Variants in DAB2IP observed in about 807,000 individuals in gnomAD.
DAB2IP encodes the protein disabled homolog 2-interacting protein.
A neutral mutation model predicts 107.2 loss-of-function variants in DAB2IP; 28 were observed. The observed-to-expected ratio is 0.26, with a 90% CI of 0.19 to 0.36. DAB2IP has a LOEUF of 0.36. DAB2IP is among the 10% of genes least tolerant of loss of function. The probability of loss-of-function intolerance (pLI) is 1.00; values close to 1 mark genes in which losing one functional copy is unlikely to be tolerated. For synonymous variants in DAB2IP, 755 were observed against 706.4 expected (o/e 1.07, Z -1.09); for missense variants, 1,400 against 1,644.7 (o/e 0.85, Z 2.57).
chr9:121,776,520 T>C lies in DAB2IP; in HGVS notation c.3314+129T>C. Reference sequence around the variant, plus strand: ...AATGTGGAGAGAGGAGGGAAGAGAGTGTCTGGGCAGTGGGAGCAGCGTGAG... The same window carrying C: ...AATGTGGAGAGAGGAGGGAAGAGAGCGTCTGGGCAGTGGGAGCAGCGTGAG... On this transcript the variant is annotated intron_variant, in intron 14 of 15. Transcript: ENST00000408936. This position sits in a 1 kb window ranked among gnomAD's most constrained non-coding sequence, Gnocchi z 5.4. 1 of 1,078,064 alleles carries C rather than the reference T, an allele frequency of 9.3e-7. No homozygotes were observed. The highest frequency in any genetic ancestry group is 1.3e-6 in the Non-Finnish European group (1 of 772,380). The allele number at this position is 1,078,064 out of a possible 1,614,324, so 66.8% of individuals were successfully genotyped here. A position where few individuals can be genotyped will look rare whatever the true frequency, so the allele number is the denominator to read the frequency against.
At chr9:121,734,392 A>AAG (rs1831746005) in intron 3 of DAB2IP, among the ~76,000 whole-genome samples, 1 of 140,608 alleles carries the variant, frequency 7.1e-6, no homozygotes, top group African/African-American at 3.2e-5. Flanking sequence ...TCAAAAAAAA[A>AAG]AAAAAAAAAG....
intron 1 of DAB2IP, among the ~76,000 whole-genome samples, chr9:121,592,532 G>T (rs918071570): frequency 6.6e-6 from 1 of 152,194 alleles, no homozygotes; most frequent in African/African-American, 2.4e-5. Context: ...TGGCACATTA[G>T]CTCAGAAAAT....
rs1437176457 is a variant in DAB2IP at position 121,736,134 on chromosome 9, C to T, written c.363-20879C>T. 6.6e-6 allele frequency among the ~76,000 whole-genome samples: 1 copy of T among 152,226 alleles called. No individual in the cohort carries two copies. The highest frequency in any genetic ancestry group is 1.5e-5 in the Non-Finnish European group (1 of 68,050). On this transcript the variant is annotated intron_variant, in intron 3 of 15. Coordinates refer to ENST00000408936, the Ensembl canonical transcript of DAB2IP. This position sits in a 1 kb window ranked among gnomAD's most constrained non-coding sequence, Gnocchi z 4.6. ...GGGTTAGGGGATCATGGTAGACAAA[C>T]CCCTGGCCTTGTCTGGACCTCAGTT...
intron 3 of DAB2IP, among the ~76,000 whole-genome samples, chr9:121,724,698 G>A (rs552545052): frequency 2.5e-4 from 38 of 151,204 alleles, no homozygotes; most frequent in African/African-American, 9.3e-4. Flanking sequence ...TTACAGATGG[G>A]GAAACTAGAC....
intron 3 of DAB2IP, among the ~76,000 whole-genome samples, chr9:121,756,512 G>T (rs934765233): frequency 6.6e-6 from 1 of 152,250 alleles, no homozygotes; most frequent in Admixed American, 6.5e-5. Context: ...GCTTTCCCTC[G>T]TGTGGGTCTG....
chr9:121,579,225 A>T (rs1295932782), intron 1 of DAB2IP, among the ~76,000 whole-genome samples: 1 of 152,132 alleles, frequency 6.6e-6, no homozygotes, highest in Non-Finnish European at 1.5e-5. Context: ...ATGCTTATTT[A>T]AAAAATTCTG....
chr9:121,757,370 A>G (rs1204181591), intron 4 of DAB2IP, among the ~76,000 whole-genome samples: 2 of 152,118 alleles, frequency 1.3e-5, no homozygotes, highest in Non-Finnish European at 1.5e-5. Flanking sequence ...CCTACTCTCT[A>G]GGTTCTCTGG....
In DAB2IP at chr9:121,782,882, G is replaced by C. The variant is rs1466468924; in HGVS notation, c.*384G>C. 2 of 1,045,396 alleles carry C rather than the reference G, an allele frequency of 1.9e-6. No homozygotes were observed. The highest frequency in any genetic ancestry group is 1.2e-6 in the Non-Finnish European group (1 of 868,208). 64.8% of individuals were successfully genotyped at this position (1,045,396 alleles called of 1,614,324 possible). On this transcript the variant is annotated 3_prime_UTR_variant, in exon 16 of 16. Coordinates refer to ENST00000408936, the Ensembl canonical transcript of DAB2IP. The surrounding 1 kb of genome is among the most constrained non-coding windows in gnomAD (Gnocchi z 6.1). Reference sequence around the variant, plus strand: ...GTGCCAGGGAGGGGGCTTCCTGGAGGGGGGATTCAAGGGCTAGGGGCCTAC... The same window carrying C: ...GTGCCAGGGAGGGGGCTTCCTGGAGCGGGGATTCAAGGGCTAGGGGCCTAC...
At chr9:121,659,885 G>C (rs982895446) in intron 1 of DAB2IP, among the ~76,000 whole-genome samples, 7 of 152,186 alleles carry the variant, frequency 4.6e-5, no homozygotes, top group South Asian at 4.1e-4. Context: ...CCTACCCTGA[G>C]AGGCTGCCAC....
intron 3 of DAB2IP, among the ~76,000 whole-genome samples, chr9:121,724,992 G>T (rs1274763556): frequency 1.3e-5 from 2 of 152,162 alleles, no homozygotes; most frequent in African/African-American, 4.8e-5. Flanking sequence ...GGGAACCCTT[G>T]CAAGACAGTC....
At chr9:121,658,989 A>G (rs114281703) in intron 1 of DAB2IP, among the ~76,000 whole-genome samples, 3,010 of 152,296 alleles carry the variant, frequency 0.02, 102 homozygotes, top group African/African-American at 0.069. Flanking sequence ...GGAGAGTACT[A>G]TCGGCATCTG....
chr9:121,646,351 C>G (rs1174383801), intron 1 of DAB2IP, among the ~76,000 whole-genome samples: 1 of 152,134 alleles, frequency 6.6e-6, no homozygotes, highest in African/African-American at 2.4e-5. Context: ...CCCAGCCTCC[C>G]CCATCTTCCT....
At chr9:121,742,513 C>T (rs1280372701) in intron 3 of DAB2IP, among the ~76,000 whole-genome samples, 3 of 152,232 alleles carry the variant, frequency 2.0e-5, no homozygotes, top group Non-Finnish European at 2.9e-5. Flanking sequence ...CTGAGGGTGC[C>T]GTAGACCAGG....
intron 1 of DAB2IP, among the ~76,000 whole-genome samples, chr9:121,601,668 T>C (rs1473855622): frequency 3.3e-5 from 5 of 152,318 alleles, no homozygotes; most frequent in African/African-American, 1.2e-4. Flanking sequence ...CTGAGGACTT[T>C]ACACATATTA....
At chr9:121,581,560 CAG>C (rs1396255209) in intron 1 of DAB2IP, among the ~76,000 whole-genome samples, 1 of 152,194 alleles carries the variant, frequency 6.6e-6, no homozygotes, top group East Asian at 1.9e-4. Flanking sequence ...CTGAGGCACA[CAG>C]AGATTTGTGA....
rs1263338003 is a variant in DAB2IP, at chr9:121,698,244, G to C, written c.229-1081G>C. 6.6e-6 allele frequency among the ~76,000 whole-genome samples: 1 copy of C among 152,108 alleles called. No homozygotes were observed. The highest frequency in any genetic ancestry group is 2.4e-5 in the African/African-American group (1 of 41,418). ...CCCCAGAACACCCCCCTCTTTAGAG[G>C]ACTCCCCCTCCTCCAGTTTTCCTCT... On this transcript the variant is annotated intron_variant, in intron 2 of 15. Coordinates refer to ENST00000408936, the Ensembl canonical transcript of DAB2IP. The surrounding 1 kb of genome is among the most constrained non-coding windows in gnomAD (Gnocchi z 4.1).
intron 1 of DAB2IP, among the ~76,000 whole-genome samples, chr9:121,610,681 G>A (rs1290470269): frequency 2.6e-5 from 4 of 152,278 alleles, no homozygotes; most frequent in East Asian, 3.9e-4. Context: ...CTTTTTCTAC[G>A]CTGATATCGT....
At position 121,631,743 on chromosome 9, in the gene DAB2IP, G is replaced by T. The variant is rs559763882; in HGVS notation, c.41-46935G>T. Among the ~76,000 whole-genome samples the T allele has an allele frequency of 6.0e-5, 9 of 151,196 alleles. No homozygotes were observed. The South Asian group carries it at 8.4e-4, about 14-fold the overall frequency. ...AGACAGGAGAATCGCTTGAACCCGG[G>T]AGGTGGAGGTTGCAGTGAGCTGAGA... On this transcript the variant is annotated intron_variant, in intron 1 of 16. Transcript: ENST00000259371.
At chr9:121,775,824 C>T (rs1297242297) in intron 13 of DAB2IP, among the ~76,000 whole-genome samples, 1 of 152,244 alleles carries the variant, frequency 6.6e-6, no homozygotes, top group Non-Finnish European at 1.5e-5. Flanking sequence ...CTGCAGAGCT[C>T]CCACCTCTCA....
Sources: gnomAD v4.1 joint callset for allele counts (sites outside exome capture counted in the v4.1 genomes callset) on GRCh38, gnomAD v4.1.1 for gene constraint, Gnocchi (gnomAD v3.1) non-coding constraint, MANE v1.5 for transcripts, NCBI Gene and HGNC (gene_info 2026-07-23, HGNC 2026-07-21) for gene names.